Variants in KDM6A observed in about 807,000 individuals in gnomAD.
KDM6A encodes the protein lysine demethylase 6A.
In KDM6A, 11 loss-of-function variants were observed where a neutral mutation model predicts 117.6. That is an observed-to-expected ratio of 0.09 (90% CI 0.06 to 0.15). KDM6A has a LOEUF of 0.15. KDM6A is among the 10% of genes least tolerant of loss of function. KDM6A has a pLI of 1.00. For missense variants in KDM6A, 799 were observed against 1,077.3 expected, an observed-to-expected ratio of 0.74 and a Z score of 3.62; for synonymous variants, 384 against 396.1, an observed-to-expected ratio of 0.97 and a Z score of 0.36.
chrX:45,003,766 T>G (rs2041275963), intron 4 of KDM6A, among the ~76,000 whole-genome samples: 1 of 109,186 alleles, frequency 9.2e-6, no homozygotes, highest in African/African-American at 3.4e-5. Context: ...TCTCTGTCTC[T>G]TCCTCTCTCT....
chrX:44,909,606 C>T (rs765956974), intron 2 of KDM6A, among the ~76,000 whole-genome samples: 98 of 111,233 alleles, frequency 8.8e-4, no homozygotes, highest in African/African-American at 3.0e-3. Context: ...ATACTAATAC[C>T]GTAGAGTATT....
intron 2 of KDM6A, among the ~76,000 whole-genome samples, chrX:44,946,571 A>G (rs1387092696): frequency 3.6e-5 from 4 of 111,196 alleles, no homozygotes; most frequent in African/African-American, 1.3e-4. Flanking sequence ...AGTTGAATTA[A>G]TGTATCAGCC....
At chrX:44,877,844 C>CT (rs1602017649) in intron 2 of KDM6A, among the ~76,000 whole-genome samples, 3 of 110,565 alleles carry the variant, frequency 2.7e-5, no homozygotes, top group South Asian at 3.7e-4. Flanking sequence ...AATGTATGTG[C>CT]TTTTTTCCGT....
At chrX:44,974,747 T>TTG in intron 4 of KDM6A, 32 bp downstream of exon 4, 1 of 1,095,337 alleles carries the variant, frequency 9.1e-7, no homozygotes, top group Non-Finnish European at 1.3e-6. Flanking sequence ...GATTTCATGT[T>TTG]TGTGTTTTGG....
intron 8 of KDM6A, among the ~76,000 whole-genome samples, chrX:45,050,931 A>G (rs917486355): frequency 9.0e-6 from 1 of 111,714 alleles, no homozygotes; most frequent in Non-Finnish European, 1.9e-5. Context: ...TATATATACT[A>G]GAAACTGTAT....
chrX:44,984,926 T>G (rs1184985634), intron 4 of KDM6A, among the ~76,000 whole-genome samples: 1 of 111,017 alleles, frequency 9.0e-6, no homozygotes, highest in African/African-American at 3.3e-5. Flanking sequence ...AAGTTTAAAG[T>G]AGTTTTTTCC....
At chrX:45,035,223 TA>T (rs1242857474) in intron 7 of KDM6A, among the ~76,000 whole-genome samples, 1 of 112,124 alleles carries the variant, frequency 8.9e-6, no homozygotes, top group Non-Finnish European at 1.9e-5. Context: ...GTATCTTCAC[TA>T]ATAAACAAGA....
At chrX:45,056,598 T>C (rs187078140) in intron 10 of KDM6A, among the ~76,000 whole-genome samples, 1 of 111,929 alleles carries the variant, frequency 8.9e-6, no homozygotes, top group Non-Finnish European at 1.9e-5. Context: ...CTTCAAAGAT[T>C]TAGAAAGTGG....
At chrX:45,024,159 G>A (rs2147697463) in intron 6 of KDM6A, among the ~76,000 whole-genome samples, 1 of 112,050 alleles carries the variant, frequency 8.9e-6, no homozygotes, top group East Asian at 2.8e-4. Flanking sequence ...ATCCAGTAGT[G>A]GGATTGCTGG....
rs72627402 is a variant in KDM6A at position 44,903,910 on chromosome X, A to C, written c.225+29923A>C. Among the ~76,000 whole-genome samples the C allele has an allele frequency of 7.7e-3, 864 of 111,911 alleles. 26 individuals carry two copies. Among genetic ancestry groups the C allele is most frequent in the Admixed American group, 0.069 (727 of 10,476 alleles). On this transcript the variant is annotated intron_variant, in intron 2 of 29. Coordinates refer to ENST00000611820, the MANE Select transcript of KDM6A (RefSeq NM_001291415.2). The stretch of plus-strand genomic sequence containing the variant: ...TTTTTGTTTACTTGAGGTCATGTTT[A>C]TAATAGCTGACTTTTAAAGTTTTGT...
intron 5 of KDM6A, among the ~76,000 whole-genome samples, chrX:45,015,414 G>A (rs539126712): frequency 2.4e-3 from 262 of 111,437 alleles, no homozygotes; most frequent in Non-Finnish European, 4.2e-3. Context: ...GGAGCCTGGT[G>A]TAAAGTTTCT....
At chrX:45,020,569 G>A (rs1221240623) in intron 5 of KDM6A, 41 bp from the exon 6 acceptor site, 2 of 1,179,376 alleles carry the variant, frequency 1.7e-6, no homozygotes, top group Non-Finnish European at 2.3e-6. Flanking sequence ...ATTCATGCAC[G>A]TGTTAAAAAG....
At chrX:44,888,918 A>G (rs571432204) in intron 2 of KDM6A, among the ~76,000 whole-genome samples, 1 of 112,297 alleles carries the variant, frequency 8.9e-6, no homozygotes, top group Non-Finnish European at 1.9e-5. Context: ...GGGCATGTAG[A>G]TATTACAAAG....
intron 4 of KDM6A, among the ~76,000 whole-genome samples, chrX:44,978,088 A>G (rs2039702900): frequency 8.9e-6 from 1 of 112,175 alleles, no homozygotes; most frequent in South Asian, 3.6e-4. Context: ...AGTCTTCTAC[A>G]TTGCCCTTGT....
intron 17 of KDM6A, among the ~76,000 whole-genome samples, chrX:45,066,411 G>A (rs762990122): frequency 9.0e-6 from 1 of 111,418 alleles, no homozygotes; most frequent in South Asian, 3.9e-4. Flanking sequence ...TTGTTGTCTT[G>A]TTGTTGTTTT....
chrX:44,912,805 A>G (rs1169956770), intron 2 of KDM6A, among the ~76,000 whole-genome samples: 3 of 110,982 alleles, frequency 2.7e-5, no homozygotes, highest in Non-Finnish European at 5.7e-5. Context: ...ATTGTCACAC[A>G]CTCTCTCTGC....
At chrX:44,938,278 A>G (rs2037094885) in intron 2 of KDM6A, among the ~76,000 whole-genome samples, 1 of 111,652 alleles carries the variant, frequency 9.0e-6, no homozygotes, top group African/African-American at 3.3e-5. Flanking sequence ...TCTTGAAGGG[A>G]ATTAAAAGTG....
At chrX:45,010,494 G>A (rs1010699419) in intron 4 of KDM6A, among the ~76,000 whole-genome samples, 1 of 111,307 alleles carries the variant, frequency 9.0e-6, no homozygotes, top group African/African-American at 3.3e-5. Context: ...TTAATGCCTA[G>A]GTGATGATTG....
chrX:44,927,942 A>G (rs1198481315), intron 2 of KDM6A, among the ~76,000 whole-genome samples: 4 of 111,496 alleles, frequency 3.6e-5, no homozygotes, highest in Admixed American at 9.5e-5. Flanking sequence ...GGGAGGTGTC[A>G]GGAGTCAGAA....
Sources: allele counts gnomAD v4.1 joint callset (sites outside exome capture counted in the v4.1 genomes callset), GRCh38; gene constraint gnomAD v4.1.1; transcripts MANE v1.5; gene names NCBI Gene and HGNC (gene_info 2026-07-23, HGNC 2026-07-21).